Variants in KIF1C observed in about 807,000 individuals in gnomAD.
KIF1C encodes kinesin-like protein KIF1C.
Under a neutral mutation model 126.5 loss-of-function variants are expected in KIF1C, and 61 were observed. The ratio of observed to expected loss-of-function variants is 0.48; its 90% CI spans 0.39 to 0.60. KIF1C has a LOEUF of 0.60. KIF1C is among the 20% of genes least tolerant of loss of function. KIF1C has a pLI of 0.00. For missense variants in KIF1C, 1,315 were observed against 1,489.2 expected, an observed-to-expected ratio of 0.88 and a Z score of 1.93; for synonymous variants, 640 against 580.6, an observed-to-expected ratio of 1.10 and a Z score of -1.47.
intron 11 of KIF1C, 61 bp downstream of exon 11, chr17:5,004,134 A>T: frequency 1.7e-6 from 2 of 1,156,274 alleles, no homozygotes; most frequent in Non-Finnish European, 2.6e-6. Flanking sequence ...CTTTTGATAC[A>T]TCTGACAAAT....
At chr17:5,019,143 A>G (rs1039499538) in intron 18 of KIF1C, 2 of 167,008 alleles carry the variant, frequency 1.2e-5, no homozygotes, top group African/African-American at 4.8e-5. Flanking sequence ...CCTGCCTGAT[A>G]TTATAGTTCA....
chr17:5,014,832 G>A lies in KIF1C; in HGVS notation c.1661G>A (p.Gly554Glu). 6.3e-7 allele frequency: 1 copy of A among 1,589,196 alleles called. No homozygotes were observed. The highest frequency in any genetic ancestry group is 2.3e-5 in the East Asian group (1 of 44,208). ...TTCCGGAGCATCCCCCAGCCAGATG[G>A]AGAAGGTAATGGCTGAGGGGGTGAG... is the stretch of plus-strand genomic sequence containing the variant. ...CLFRSIPQPD[G>E]EVVVTLEPCE... Residue 554 changes from glycine to glutamate, a missense_variant, in exon 18 of 23, where the codon GGA (glycine) becomes GAA (glutamate). Around this residue, in one of 2 missense-constraint regions of KIF1C, gnomAD observed 874 missense variants for 1,053.2 expected, o/e 0.83. Transcript: ENST00000320785.
At chr17:5,004,257 C>T (rs1567721308) in intron 11 of KIF1C, among the ~76,000 whole-genome samples, 184 bp downstream of exon 11, 1 of 152,190 alleles carries the variant, frequency 6.6e-6, no homozygotes, top group African/African-American at 2.4e-5. Context: ...CATACCCTCC[C>T]GTCAAGCCAA....
In KIF1C at chr17:5,006,741, G is replaced by A. The variant is rs188766454; in HGVS notation, c.1166-174G>A. On this transcript the variant is annotated intron_variant, in intron 13 of 22. Transcript: ENST00000320785. ...CCCTGGAGTTCAAGTAGAGAGACTG[G>A]GTGCCCATTTACCATGGCTGCAGTA... 3.2e-3 allele frequency among the ~76,000 whole-genome samples: 484 copies of A among 152,252 alleles called. 3 individuals are homozygous for A. The highest frequency in any genetic ancestry group is 0.011 in the African/African-American group (446 of 41,542).
chr17:5,024,239 G>GCCTCCCTGCCCCA lies in KIF1C; in HGVS notation c.*88_*89insCCTCCCTGCCCCA. 1 of 951,776 alleles carries GCCTCCCTGCCCCA rather than the reference G, an allele frequency of 1.1e-6. No homozygotes were observed. Among genetic ancestry groups the GCCTCCCTGCCCCA allele is most frequent in the Non-Finnish European group, 1.6e-6 (1 of 630,086 alleles). The allele number at this position is 951,776 out of a possible 1,614,324, so 59.0% of individuals were successfully genotyped here. Reference sequence around the variant, plus strand: ...GACGCTGCTTCCCCAGAAGTGCTGGGGCAGGGAGGCCCAGGAGATGAGAGA... The same window carrying GCCTCCCTGCCCCA: ...GACGCTGCTTCCCCAGAAGTGCTGGGCCTCCCTGCCCCAGCAGGGAGGCCCAGGAGATGAGAGA... On this transcript the variant is annotated 3_prime_UTR_variant, in exon 23 of 23. Coordinates refer to ENST00000320785, the MANE Select transcript of KIF1C (RefSeq NM_006612.6).
chr17:5,004,611 G>C lies in KIF1C; in HGVS notation c.985G>C (p.Asp329His). Residue 329 changes from aspartate (D) to histidine (H), a missense_variant, in exon 12 of 23, where the codon GAC becomes CAC. Coordinates refer to ENST00000320785, the MANE Select transcript of KIF1C (RefSeq NM_006612.6). Reference protein sequence around the residue: ...TAMIAALSPADINYEETLSTL... With the variant: ...TAMIAALSPAHINYEETLSTL... ...CATGATTGCAGCCCTGAGCCCTGCTGACATCAATTACGAGGAGACTCTCAG... is the reference window on the plus strand; with the variant it reads ...CATGATTGCAGCCCTGAGCCCTGCTCACATCAATTACGAGGAGACTCTCAG... The C allele has an allele frequency of 6.2e-7, 1 of 1,614,192 alleles. No individual in the cohort carries two copies. The highest frequency in any genetic ancestry group is 8.5e-7 in the Non-Finnish European group (1 of 1,180,034).
At chr17:5,014,977 G>T in intron 18 of KIF1C, 140 bp downstream of exon 18, 1 of 681,024 alleles carries the variant, frequency 1.5e-6, no homozygotes, top group Admixed American at 2.5e-5. Flanking sequence ...CCTCAGAGGG[G>T]CTTGGGGCTC....
Position 5,025,891 on chromosome 17 carries a change from A to T in KIF1C, c.*1740A>T, listed in dbSNP as rs1179993901. On this transcript the variant is annotated 3_prime_UTR_variant, in exon 23 of 23. Coordinates refer to ENST00000320785, the MANE Select transcript of KIF1C (RefSeq NM_006612.6). ...GGCTTGAGGCAGCGAGCCCTTGACT[A>T]TGCCACATTGCCAGGATTTTGCAGG... 1 of 152,204 alleles carries T rather than the reference A, an allele frequency of 6.6e-6. No individual in the cohort carries two copies. Among genetic ancestry groups the T allele is most frequent in the Non-Finnish European group, 1.5e-5 (1 of 68,042 alleles). 9.4% of individuals were successfully genotyped at this position (152,204 alleles called of 1,614,324 possible).
intron 9 of KIF1C, 27 bp from the exon 10 acceptor site, chr17:5,003,824 A>G (rs2143318694): frequency 5.0e-6 from 8 of 1,600,746 alleles, no homozygotes; most frequent in South Asian, 1.1e-5. Context: ...AGAGGGTCTC[A>G]TCCCCACATT....
chr17:5,017,368 C>T (rs1171655220), intron 18 of KIF1C, among the ~76,000 whole-genome samples: 2 of 143,172 alleles, frequency 1.4e-5, no homozygotes, highest in African/African-American at 5.2e-5. Flanking sequence ...GGCGCGATCT[C>T]GGCTCACTGC....
rs182490777 is a variant in KIF1C, at chr17:5,009,255, C to T, written c.1491+1713C>T. On this transcript the variant is annotated intron_variant, in intron 16 of 22. Coordinates refer to ENST00000320785, the MANE Select transcript of KIF1C (RefSeq NM_006612.6). ...AGTGCAACGGTGCAATCTTGGCTGA[C>T]TGCAACCTCCGCCTCCTGGGTTCAT... 5.9e-5 allele frequency among the ~76,000 whole-genome samples: 9 copies of T among 151,788 alleles called. No individual in the cohort carries two copies. The East Asian group carries it at 1.8e-3, about 30-fold the overall frequency.
Position 5,023,583 on chromosome 17 carries a change from C to A in KIF1C, c.2744C>A (p.Ser915Ter). Residue 915 changes from serine (S) to a stop codon, truncating the protein, a stop_gained, in exon 23 of 23, where the codon TCG becomes TAG. Transcript: ENST00000320785. LOFTEE classifies it high-confidence loss of function. This position sits in a 1 kb window ranked among gnomAD's most constrained non-coding sequence, Gnocchi z 4.2. ...SDRMPSARPP[S>*]PPLSSWERVS... ...CGCATGCCGTCAGCCCGGCCCCCCT[C>A]GCCACCACTGTCAAGCTGGGAGCGG... is the stretch of plus-strand genomic sequence containing the variant. 6.2e-7 allele frequency: 1 copy of A among 1,613,576 alleles called. No homozygotes were observed. The highest frequency in any genetic ancestry group is 1.1e-5 in the South Asian group (1 of 91,070).
intron 16 of KIF1C, among the ~76,000 whole-genome samples, chr17:5,008,802 C>T (rs1362789990): frequency 6.6e-6 from 1 of 152,190 alleles, no homozygotes; most frequent in African/African-American, 2.4e-5. Context: ...CCCAGCCACA[C>T]CTAGGTGGAA....
In KIF1C at chr17:5,000,806, CA is replaced by C; in HGVS notation, c.145del (p.Ser49AlafsTer59). 6.2e-7 allele frequency: 1 copy of C among 1,614,080 alleles called. No homozygotes were observed. Among genetic ancestry groups the C allele is most frequent in the Non-Finnish European group, 8.5e-7 (1 of 1,179,974 alleles). The part of the protein sequence containing the change: ...INPKQSKDAP[K>X]SFTFDYSYWS... ...ATCCTAAACAGAGCAAGGATGCCCC[CA>C]AAAGCTTCACCTTTGACTACTCCTA... is the stretch of plus-strand genomic sequence containing the variant. On this transcript the variant is annotated frameshift_variant, in exon 4 of 23. Transcript: ENST00000320785. LOFTEE classifies it high-confidence loss of function.
At position 5,027,797 on chromosome 17, in the gene KIF1C, A is replaced by G. The variant is rs1597869833; in HGVS notation, c.*3646A>G. 1.3e-5 allele frequency: 2 copies of G among 152,212 alleles called. No homozygotes were observed. The highest frequency in any genetic ancestry group is 4.8e-5 in the African/African-American group (2 of 41,500). The allele number at this position is 152,212 out of a possible 1,614,324, so 9.4% of individuals were successfully genotyped here. On this transcript the variant is annotated 3_prime_UTR_variant, in exon 23 of 23. Transcript: ENST00000320785. Reference sequence around the variant, plus strand: ...AGTTTGAGACCAGCCTGGGCAACATAACAAGACCCTGTCTCTACAAAAATA... The same window carrying G: ...AGTTTGAGACCAGCCTGGGCAACATGACAAGACCCTGTCTCTACAAAAATA...
In KIF1C at chr17:5,000,851, G is replaced by T; in HGVS notation, c.183+3G>T. 2 of 1,613,838 alleles carry T rather than the reference G, an allele frequency of 1.2e-6. No homozygotes were observed. Among genetic ancestry groups the T allele is most frequent in the Non-Finnish European group, 1.7e-6 (2 of 1,179,752 alleles). ...ACTCCTACTGGTCACACACTTCGGT[G>T]GGTTGTTGGGCTGGGGGAAGAGCAA... On this transcript the variant is annotated splice_donor_region_variant and intron_variant, in intron 4 of 22. Transcript: ENST00000320785.
In KIF1C at chr17:5,002,852, C is replaced by T; in HGVS notation, c.720+10C>T. The T allele has an allele frequency of 4.2e-6, 1 of 236,074 alleles. No homozygotes were observed. Among genetic ancestry groups the T allele is most frequent in the South Asian group, 6.8e-5 (1 of 14,676 alleles). The allele number at this position is 236,074 out of a possible 1,614,324, so 14.6% of individuals were successfully genotyped here. On this transcript the variant is annotated intron_variant, in intron 8 of 22. Transcript: ENST00000320785. ...GCTGGACTCGGAGAAGGTGGGATCGCCCCCCCCCCCACTCCCCCACCGGAT... is the reference window on the plus strand; with the variant it reads ...GCTGGACTCGGAGAAGGTGGGATCGTCCCCCCCCCCACTCCCCCACCGGAT...
chr17:5,002,016 C>T, intron 5 of KIF1C, 43 bp from the exon 6 acceptor site: 7 of 1,580,490 alleles, frequency 4.4e-6, no homozygotes, highest in Non-Finnish European at 5.2e-6. Context: ...TTAGGTGTGC[C>T]CTGAACAGGA....
Position 5,002,042 on chromosome 17 carries a change from C to A in KIF1C, c.364-17C>A. On this transcript the variant is annotated splice_polypyrimidine_tract_variant and intron_variant, in intron 5 of 22. Coordinates refer to ENST00000320785, the MANE Select transcript of KIF1C (RefSeq NM_006612.6). ...CTGAACAGGAGCTTCTCTGTATTTCCCTGTGTCCCCCTCCAGCTCTGTGAG... is the reference window on the plus strand; with the variant it reads ...CTGAACAGGAGCTTCTCTGTATTTCACTGTGTCCCCCTCCAGCTCTGTGAG... 6.2e-7 allele frequency: 1 copy of A among 1,613,044 alleles called. No individual in the cohort carries two copies. The highest frequency in any genetic ancestry group is 1.7e-5 in the Admixed American group (1 of 60,010).
Sources: gnomAD v4.1 joint callset for allele counts (sites outside exome capture counted in the v4.1 genomes callset) on GRCh38, gnomAD v4.1.1 for gene constraint, gnomAD v4.1.1 regional missense constraint, Gnocchi (gnomAD v3.1) non-coding constraint, MANE v1.5 for transcripts, NCBI Gene and HGNC (gene_info 2026-07-23, HGNC 2026-07-21) for gene names.